RAB31: variants seen among roughly 807,000 people sequenced by gnomAD.
The protein encoded by RAB31 is ras-related protein Rab-31.
In RAB31, 21 loss-of-function variants were observed where a neutral mutation model predicts 25.6. The ratio of observed to expected loss-of-function variants is 0.82; its 90% CI spans 0.58 to 1.18. The LOEUF (loss-of-function observed/expected upper bound fraction) is 1.18, where lower values mean the gene tolerates loss of function less well. Ranked by LOEUF, RAB31 falls within the 50% of genes most tolerant of loss-of-function variation. The probability of loss-of-function intolerance (pLI) is 0.00; values close to 1 mark genes in which losing one functional copy is unlikely to be tolerated. For missense variants in RAB31, 196 were observed against 250.1 expected (o/e 0.78, Z 1.46); for synonymous variants, 87 against 84.0 (o/e 1.04, Z -0.20).
intron 1 of RAB31, among the ~76,000 whole-genome samples, chr18:9,711,607 G>A (rs768131716): frequency 1.3e-5 from 2 of 152,158 alleles, no homozygotes; most frequent in Non-Finnish European, 2.9e-5. Context: ...CATTTTAACA[G>A]GAACCTTGGG....
At chr18:9,727,192 C>T (rs939517113) in intron 1 of RAB31, among the ~76,000 whole-genome samples, 15 of 152,138 alleles carry the variant, frequency 9.9e-5, no homozygotes, top group Admixed American at 3.9e-4. Flanking sequence ...CATGTGGGCC[C>T]GTATGCCCTG....
intron 2 of RAB31, among the ~76,000 whole-genome samples, chr18:9,791,797 G>A (rs1316432943): frequency 6.6e-6 from 1 of 152,036 alleles, no homozygotes; most frequent in Non-Finnish European, 1.5e-5. Context: ...GTAGAGACAG[G>A]GTTTCACCAT....
intron 5 of RAB31, among the ~76,000 whole-genome samples, chr18:9,839,022 T>C (rs915734567): frequency 1.3e-5 from 2 of 152,188 alleles, no homozygotes; most frequent in Non-Finnish European, 2.9e-5. Flanking sequence ...GATTGCCTCC[T>C]GAGAGCCAGG....
chr18:9,791,603 A>G (rs1184251964), intron 2 of RAB31, among the ~76,000 whole-genome samples: 5 of 150,700 alleles, frequency 3.3e-5, no homozygotes, highest in Middle Eastern at 6.8e-3. Flanking sequence ...TATCATATAC[A>G]TATTTTTTGA....
chr18:9,781,571 C>G (rs2068404617), intron 2 of RAB31, among the ~76,000 whole-genome samples: 1 of 152,228 alleles, frequency 6.6e-6, no homozygotes, highest in African/African-American at 2.4e-5. Context: ...CCTTGGCCTC[C>G]CAAAGGAGTT....
At position 9,780,668 on chromosome 18, in the gene RAB31, C is replaced by T. The variant is rs189166286; in HGVS notation, c.119+5311C>T. Among the ~76,000 whole-genome samples, 33 of 152,286 alleles carry T rather than the reference C, an allele frequency of 2.2e-4. No individual in the cohort carries two copies. In the East Asian group the frequency reaches 4.0e-3, roughly 19 times the overall value. On this transcript the variant is annotated intron_variant, in intron 2 of 6. Coordinates refer to ENST00000578921, the MANE Select transcript of RAB31 (RefSeq NM_006868.4). Reference sequence around the variant, plus strand: ...TTATGAGGCTAGACACGGTGGCTCACGCCTGTAATCCCAGCACTTTGGGAG... The same window carrying T: ...TTATGAGGCTAGACACGGTGGCTCATGCCTGTAATCCCAGCACTTTGGGAG...
In RAB31 at chr18:9,859,133, G is replaced by A. The variant is rs1380835116; in HGVS notation, c.491-95G>A. ...CAGGAACACCTTTATTTTGTGCACA[G>A]CCCAAAGCAGGAGTGTTGAAGCAGG... On this transcript the variant is annotated intron_variant, in intron 6 of 6. Coordinates refer to ENST00000578921, the MANE Select transcript of RAB31 (RefSeq NM_006868.4). 4.2e-5 allele frequency: 21 copies of A among 494,176 alleles called. No homozygotes were observed. In the East Asian group the frequency reaches 1.1e-3, roughly 25 times the overall value. The allele number at this position is 494,176 out of a possible 1,614,324, so 30.6% of individuals were successfully genotyped here. A position where few individuals can be genotyped will look rare whatever the true frequency, so the allele number is the denominator to read the frequency against.
intron 5 of RAB31, among the ~76,000 whole-genome samples, chr18:9,832,302 A>G (rs887305698): frequency 6.6e-6 from 1 of 152,168 alleles, no homozygotes; most frequent in African/African-American, 2.4e-5. Context: ...TTCAGAAGGA[A>G]ATGAGCAGGT....
At chr18:9,769,970 T>C (rs2068335753) in intron 1 of RAB31, among the ~76,000 whole-genome samples, 2 of 152,230 alleles carry the variant, frequency 1.3e-5, no homozygotes, top group Admixed American at 1.3e-4. Flanking sequence ...TGATTGGTTT[T>C]GTTTATGTGA....
At chr18:9,823,823 T>C (rs1444062620) in intron 5 of RAB31, among the ~76,000 whole-genome samples, 1 of 152,158 alleles carries the variant, frequency 6.6e-6, no homozygotes, top group Non-Finnish European at 1.5e-5. Context: ...GTATTAAAAA[T>C]TCCCATTTAG....
intron 5 of RAB31, among the ~76,000 whole-genome samples, chr18:9,833,341 G>A (rs1268624775): frequency 3.3e-5 from 5 of 152,284 alleles, no homozygotes; most frequent in East Asian, 1.9e-4. Context: ...ACAGGGGCCC[G>A]GAAGTGTCAG....
intron 3 of RAB31, among the ~76,000 whole-genome samples, chr18:9,811,937 G>A (rs1439376959): frequency 2.6e-5 from 4 of 152,182 alleles, no homozygotes; most frequent in African/African-American, 9.7e-5. Flanking sequence ...CATAGACTGG[G>A]TGGCTTAAAC....
intron 5 of RAB31, among the ~76,000 whole-genome samples, chr18:9,826,330 C>T (rs932123708): frequency 6.6e-5 from 10 of 152,058 alleles, no homozygotes; most frequent in East Asian, 1.9e-4. Flanking sequence ...GAGCTGAGAT[C>T]GCACCACTGC....
At chr18:9,718,762 G>A (rs900070689) in intron 1 of RAB31, among the ~76,000 whole-genome samples, 1 of 152,000 alleles carries the variant, frequency 6.6e-6, no homozygotes, top group Admixed American at 6.6e-5. Flanking sequence ...CTCTCTAAGG[G>A]GTTGCAGACT....
intron 1 of RAB31, among the ~76,000 whole-genome samples, chr18:9,719,219 G>A (rs1441807305): frequency 1.5e-5 from 2 of 130,208 alleles, no homozygotes; most frequent in Non-Finnish European, 3.1e-5. Context: ...GCAGGGAGCC[G>A]AGATTGTGCC....
At chr18:9,772,292 G>C (rs182363363) in intron 1 of RAB31, among the ~76,000 whole-genome samples, 46 of 152,218 alleles carry the variant, frequency 3.0e-4, no homozygotes, top group African/African-American at 1.1e-3. Flanking sequence ...TGCAGCCTAA[G>C]GAGGAAGGCC....
chr18:9,807,344 G>C (rs1192082472), intron 3 of RAB31, among the ~76,000 whole-genome samples: 1 of 152,172 alleles, frequency 6.6e-6, no homozygotes, highest in African/African-American at 2.4e-5. Context: ...GGATGGGAGA[G>C]ACCAAACCAG....
intron 5 of RAB31, among the ~76,000 whole-genome samples, chr18:9,837,927 G>C (rs553264695): frequency 6.6e-6 from 1 of 152,118 alleles, no homozygotes. Context: ...GGTTGAGTTG[G>C]ATAACACTAC....
chr18:9,803,486 CTG>C (rs760330079), intron 3 of RAB31, among the ~76,000 whole-genome samples: 8 of 152,152 alleles, frequency 5.3e-5, no homozygotes, highest in Non-Finnish European at 1.0e-4. Flanking sequence ...CCAATGCAAA[CTG>C]AGATCCCGGC....
Sources: gnomAD v4.1 joint callset for allele counts (sites outside exome capture counted in the v4.1 genomes callset) on GRCh38, gnomAD v4.1.1 for gene constraint, MANE v1.5 for transcripts, NCBI Gene and HGNC (gene_info 2026-07-23, HGNC 2026-07-21) for gene names.